Variants in VDAC1 observed in about 807,000 individuals in gnomAD.
VDAC1 encodes non-selective voltage-gated ion channel VDAC1.
Under a neutral mutation model 34.7 loss-of-function variants are expected in VDAC1, and 10 were observed. The ratio of observed to expected loss-of-function variants is 0.29; its 90% CI spans 0.18 to 0.49. The LOEUF (loss-of-function observed/expected upper bound fraction) is 0.49, where lower values mean the gene tolerates loss of function less well. VDAC1 is among the 20% of genes least tolerant of loss of function. The pLI is 0.99. For missense variants in VDAC1, 230 were observed against 347.9 expected (o/e 0.66, Z 2.69); for synonymous variants, 130 against 136.0 (o/e 0.96, Z 0.30).
At chr5:134,100,326 A>G in the VDAC1 span, among the ~76,000 whole-genome samples, 1 of 152,374 alleles carries the variant, frequency 6.6e-6, no homozygotes, top group East Asian at 1.9e-4. Flanking sequence ...TTACCCAGGC[A>G]TTAAGCTTTG....
chr5:134,046,441 G>A, the VDAC1 span, among the ~76,000 whole-genome samples: 1 of 152,164 alleles, frequency 6.6e-6, no homozygotes, highest in Non-Finnish European at 1.5e-5. Context: ...AAAGTGCTGG[G>A]TTTACAGGCA....
chr5:134,020,974 A>G, the VDAC1 span, among the ~76,000 whole-genome samples: 2 of 148,948 alleles, frequency 1.3e-5, no homozygotes, highest in Non-Finnish European at 3.0e-5. Context: ...CCTGGGCAAC[A>G]TAAGGAGACC....
chr5:134,082,934 T>C, the VDAC1 span, among the ~76,000 whole-genome samples: 1 of 152,350 alleles, frequency 6.6e-6, no homozygotes, highest in East Asian at 1.9e-4. Context: ...GTGAAATGTC[T>C]GTATAAATCT....
chr5:133,972,241 C>A lies in VDAC1; in HGVS notation c.*530G>T. 5.4e-6 allele frequency: 1 copy of A among 184,762 alleles called. No individual in the cohort carries two copies. Among genetic ancestry groups the A allele is most frequent in the Non-Finnish European group, 1.1e-5 (1 of 89,764 alleles). 11.4% of individuals were successfully genotyped at this position (184,762 alleles called of 1,614,324 possible). On this transcript the variant is annotated 3_prime_UTR_variant, in exon 9 of 9. Coordinates refer to ENST00000265333, the MANE Select transcript of VDAC1 (RefSeq NM_003374.3). ...TTCATCACATCCACCTTCTCCACCC[C>A]AAAATGGCACAAAAGAAACAGTTAC... is the stretch of plus-strand genomic sequence containing the variant.
At chr5:133,983,859 G>T (rs1000019383) in intron 5 of VDAC1, among the ~76,000 whole-genome samples, 1 of 148,876 alleles carries the variant, frequency 6.7e-6, no homozygotes, top group African/African-American at 2.5e-5. Flanking sequence ...GTTTGCGTGT[G>T]GCACCTCCCC....
At chr5:134,009,662 A>G (rs1368724780), upstream of VDAC1, among the ~76,000 whole-genome samples, 6 of 151,972 alleles carry the variant, frequency 3.9e-5, no homozygotes, top group East Asian at 1.2e-3. Context: ...TTTCCCAAAT[A>G]TTCTTTTGTT....
At chr5:134,057,703 A>G in the VDAC1 span, among the ~76,000 whole-genome samples, 1 of 150,382 alleles carries the variant, frequency 6.6e-6, no homozygotes, top group Non-Finnish European at 1.5e-5. Flanking sequence ...AAAAAAAAAA[A>G]GGATATGTGT....
At chr5:133,989,187 G>A (rs1363901447) in intron 5 of VDAC1, 1 of 152,138 alleles carries the variant, frequency 6.6e-6, no homozygotes, top group Non-Finnish European at 1.5e-5. Context: ...AGTCACTTGT[G>A]TGCACTGCAC....
At chr5:134,108,686 G>GGAC in the VDAC1 span, among the ~76,000 whole-genome samples, 2 of 152,124 alleles carry the variant, frequency 1.3e-5, no homozygotes, top group East Asian at 3.9e-4. Flanking sequence ...CCTGGGGAGG[G>GGAC]AATACTTGGA....
chr5:134,020,769 C>T, the VDAC1 span, among the ~76,000 whole-genome samples: 22,849 of 151,854 alleles, frequency 0.15, 1,899 homozygotes, highest in East Asian at 0.32. Flanking sequence ...CTCCGCCTCC[C>T]GGGTTCACGC....
rs1753563304 is a variant in VDAC1 at position 134,001,716 on chromosome 5, A to T, written c.-7+3179T>A. On this transcript the variant is annotated intron_variant, in intron 1 of 8. Transcript: ENST00000265333. ...TGGGCAACAGAGTGAGACTCCATCT[A>T]AAAAAAAAAAAAAAAAAAAGAGAGA... 3.0e-4 allele frequency among the ~76,000 whole-genome samples: 3 copies of T among 9,886 alleles called. No individual in the cohort carries two copies. The South Asian group carries it at 0.021, about 70-fold the overall frequency. 6.5% of individuals were successfully genotyped at this position (9,886 alleles called of 152,430 possible).
At chr5:133,990,798 TCCA>T (rs1554092013) in intron 5 of VDAC1, 54 bp downstream of exon 5, 11 of 1,509,402 alleles carry the variant, frequency 7.3e-6, no homozygotes, top group Non-Finnish European at 9.7e-6. Flanking sequence ...ACAAAGGGCT[TCCA>T]CCACCTGCAA....
chr5:133,995,302 C>T (rs759517488), intron 1 of VDAC1, among the ~76,000 whole-genome samples: 6 of 152,182 alleles, frequency 3.9e-5, no homozygotes, highest in South Asian at 2.1e-4. Context: ...ACCAGCAGCA[C>T]GCAAGTGAAC....
At chr5:134,055,532 GC>G in the VDAC1 span, among the ~76,000 whole-genome samples, 1 of 148,392 alleles carries the variant, frequency 6.7e-6, no homozygotes, top group Non-Finnish European at 1.5e-5. Context: ...TCATTCTCCT[GC>G]CTCAGTCTCC....
At chr5:134,022,673 C>T in the VDAC1 span, among the ~76,000 whole-genome samples, 3 of 152,210 alleles carry the variant, frequency 2.0e-5, no homozygotes, top group East Asian at 1.9e-4. Context: ...ATGAGCACTA[C>T]GAGGATGGGG....
the VDAC1 span, among the ~76,000 whole-genome samples, chr5:134,063,385 T>C: frequency 6.6e-5 from 10 of 152,318 alleles, no homozygotes; most frequent in Admixed American, 4.6e-4. Flanking sequence ...ACAGCCTCCC[T>C]ACCCCCATCC....
At chr5:134,027,714 G>A in the VDAC1 span, among the ~76,000 whole-genome samples, 1 of 150,958 alleles carries the variant, frequency 6.6e-6, no homozygotes, top group Admixed American at 6.6e-5. Context: ...CACCTACCAT[G>A]ACTGCAACTC....
the VDAC1 span, among the ~76,000 whole-genome samples, chr5:134,093,149 G>A: frequency 1.3e-5 from 2 of 152,212 alleles, no homozygotes; most frequent in Admixed American, 6.5e-5. Flanking sequence ...GAGCACAGGT[G>A]CATTTCAATT....
chr5:134,072,242 G>C, the VDAC1 span, among the ~76,000 whole-genome samples: 1 of 152,252 alleles, frequency 6.6e-6, no homozygotes, highest in Middle Eastern at 3.4e-3. Flanking sequence ...CCAGTCAAGA[G>C]AGACAGGACT....
Sources: allele counts gnomAD v4.1 joint callset (sites outside exome capture counted in the v4.1 genomes callset), GRCh38; gene constraint gnomAD v4.1.1; transcripts MANE v1.5; gene names NCBI Gene and HGNC (gene_info 2026-07-23, HGNC 2026-07-21).